Variants in GIGYF2 observed in about 807,000 individuals in gnomAD.
GIGYF2 encodes the protein GRB10-interacting GYF protein 2.
In GIGYF2, 25 loss-of-function variants were observed where a neutral mutation model predicts 208.1. That is an observed-to-expected ratio of 0.12 (90% CI 0.09 to 0.17). The LOEUF is 0.17. Ranked by LOEUF, GIGYF2 falls within the 10% of genes least tolerant of loss-of-function variation. GIGYF2 has a pLI of 1.00. For synonymous variants in GIGYF2, 534 were observed against 543.8 expected (o/e 0.98, Z 0.25); for missense variants, 1,302 against 1,579.4 (o/e 0.82, Z 2.98).
chr2:232,804,804 T>A (rs1373814903), intron 14 of GIGYF2, among the ~76,000 whole-genome samples: 2 of 152,196 alleles, frequency 1.3e-5, no homozygotes, highest in African/African-American at 2.4e-5. Flanking sequence ...GTATTTTTAT[T>A]TTCATTCCGT....
intron 22 of GIGYF2, among the ~76,000 whole-genome samples, chr2:232,836,302 ATATATATATATATATATATATATATATAC>A (rs1701609799): frequency 4.6e-5 from 1 of 21,634 alleles, no homozygotes; most frequent in African/African-American, 1.4e-4. Context: ...ATATATATAT[ATATATATATATATATATATATATATATAC>A]ATATATATAC....
intron 16 of GIGYF2, 52 bp from the exon 17 acceptor site, chr2:232,811,192 T>G: frequency 1.1e-6 from 1 of 949,384 alleles, no homozygotes; most frequent in Non-Finnish European, 1.7e-6. Flanking sequence ...ATCTCAGCCA[T>G]GTGAACTAAG....
chr2:232,727,828 C>G (rs1473679028), intron 2 of GIGYF2, among the ~76,000 whole-genome samples: 1 of 152,218 alleles, frequency 6.6e-6, no homozygotes, highest in Non-Finnish European at 1.5e-5. Flanking sequence ...CTCTTCAACT[C>G]TAGGTCTTTT....
intron 12 of GIGYF2, among the ~76,000 whole-genome samples, chr2:232,792,007 G>GTAA (rs1700083097): frequency 6.6e-6 from 1 of 152,144 alleles, no homozygotes; most frequent in Admixed American, 6.6e-5. Flanking sequence ...AAATGTCATT[G>GTAA]TAATGCCTGA....
At chr2:232,850,453 G>A (rs1428290393) in intron 28 of GIGYF2, 44 bp downstream of exon 28, 1 of 1,547,232 alleles carries the variant, frequency 6.5e-7, no homozygotes, top group Non-Finnish European at 8.9e-7. Context: ...AGGAGTGCAG[G>A]TGATACCAGT....
intron 2 of GIGYF2, among the ~76,000 whole-genome samples, chr2:232,716,978 G>GTTTTTTTTTTTTTT (rs1324089709): frequency 6.7e-6 from 1 of 149,092 alleles, no homozygotes; most frequent in African/African-American, 2.5e-5. Context: ...GCTAATTTTT[G>GTTTTTTTTTTTTTT]TTGTTTTTTT....
chr2:232,794,880 C>T lies in GIGYF2; in HGVS notation c.1415C>T (p.Ala472Val). Residue 472 changes from alanine to valine, a missense_variant, in exon 13 of 29, where the codon GCT (alanine) becomes GTT (valine). By Grantham distance (64) the Ala-to-Val change is moderately conservative. Around this residue, in one of 8 missense-constraint regions of GIGYF2, gnomAD observed 235 missense variants for 218.8 expected, o/e 1.07. Transcript: ENST00000373563. ...CCAGTTGAAACACCAGTTGTAGGTG[C>T]TCCTGGTATGGGCAGTGTTTCCACA... ...LRPVETPVVG[A>V]PGMGSVSTEP... 1 of 1,613,924 alleles carries T rather than the reference C, an allele frequency of 6.2e-7. No individual in the cohort carries two copies. The highest frequency in any genetic ancestry group is 8.5e-7 in the Non-Finnish European group (1 of 1,179,804).
intron 8 of GIGYF2, among the ~76,000 whole-genome samples, chr2:232,784,148 T>G (rs1699818093): frequency 6.6e-6 from 1 of 152,118 alleles, no homozygotes; most frequent in Non-Finnish European, 1.5e-5. Flanking sequence ...AAAGCCTGTT[T>G]AGGGCAACAG....
intron 8 of GIGYF2, among the ~76,000 whole-genome samples, chr2:232,779,501 G>T (rs879708445): frequency 4.6e-5 from 7 of 152,184 alleles, no homozygotes; most frequent in Admixed American, 1.3e-4. Flanking sequence ...TAAAACGTTA[G>T]CTCTGGTCTC....
At position 232,763,509 on chromosome 2, in the gene GIGYF2, A is replaced by G. The variant is rs372490595; in HGVS notation, c.532+2073A>G. ...TAATAACTAATAATAAAATAGAACAATTATAACAATATACTGTAATAAAAA... is the reference window on the plus strand; with the variant it reads ...TAATAACTAATAATAAAATAGAACAGTTATAACAATATACTGTAATAAAAA... On this transcript the variant is annotated intron_variant, in intron 8 of 28. Transcript: ENST00000373563. Among the ~76,000 whole-genome samples the G allele has an allele frequency of 2.0e-4, 30 of 152,258 alleles. 1 individual carries two copies. Among genetic ancestry groups the G allele is most frequent in the African/African-American group, 6.5e-4 (27 of 41,554 alleles).
intron 15 of GIGYF2, among the ~76,000 whole-genome samples, chr2:232,807,261 C>A (rs1455043814): frequency 6.6e-6 from 1 of 152,142 alleles, no homozygotes; most frequent in Admixed American, 6.5e-5. Context: ...TGGCTCACTT[C>A]TGTAATCCTG....
intron 2 of GIGYF2, among the ~76,000 whole-genome samples, chr2:232,715,303 G>A (rs1332053229): frequency 1.3e-5 from 2 of 152,076 alleles, no homozygotes; most frequent in Admixed American, 6.6e-5. Flanking sequence ...GCTATTAGAC[G>A]TAAAGCTGAC....
At chr2:232,836,293 TATA>T (rs1701603706) in intron 22 of GIGYF2, among the ~76,000 whole-genome samples, 2 of 24,646 alleles carry the variant, frequency 8.1e-5, no homozygotes, top group Admixed American at 6.0e-4. Context: ...TATATATATA[TATA>T]TATATATATA....
intron 22 of GIGYF2, among the ~76,000 whole-genome samples, chr2:232,836,035 A>G (rs952242450): frequency 4.6e-5 from 7 of 151,620 alleles, no homozygotes; most frequent in Admixed American, 4.0e-4. Flanking sequence ...ACAGATGCCA[A>G]ATGATCTAGG....
Position 232,739,367 on chromosome 2 carries a change from C to G in GIGYF2, c.41+4129C>G, listed in dbSNP as rs988650357. 6.7e-5 allele frequency among the ~76,000 whole-genome samples: 9 copies of G among 135,074 alleles called. 1 individual carries two copies. Among genetic ancestry groups the G allele is most frequent in the African/African-American group, 1.4e-4 (5 of 35,758 alleles). 88.6% of individuals were successfully genotyped at this position (135,074 alleles called of 152,430 possible). ...GCCTGGGCAACAAAAGCAAACCCCCCCCCCCCCGCAAAAAAAAAGAAAAGG... is the reference window on the plus strand; with the variant it reads ...GCCTGGGCAACAAAAGCAAACCCCCGCCCCCCCGCAAAAAAAAAGAAAAGG... On this transcript the variant is annotated intron_variant, in intron 3 of 28. Coordinates refer to ENST00000373563, the MANE Select transcript of GIGYF2 (RefSeq NM_001103146.3).
Position 232,844,255 on chromosome 2 carries a change from G to T in GIGYF2, c.3099G>T (p.Thr1033=), listed in dbSNP as rs760837382. The change falls in exon 24 of 29, where the codon ACG becomes ACT. Residue 1033 remains threonine (T), a splice_region_variant and synonymous_variant. Transcript: ENST00000373563. ...AACCAAACAGAGCTCGTAACAATAC[G>T]GTGTGTGCATTTTCCTAAGCTGTCG... ...HQQPNRARNN[T]HSNLHTSIGN... is the part of the protein sequence containing the mutation. The T allele has an allele frequency of 6.3e-7, 1 of 1,586,734 alleles. No individual in the cohort carries two copies. The highest frequency in any genetic ancestry group is 8.6e-7 in the Non-Finnish European group (1 of 1,165,212).
chr2:232,814,444 T>C (rs987934921), intron 18 of GIGYF2, among the ~76,000 whole-genome samples: 26 of 150,696 alleles, frequency 1.7e-4, no homozygotes, highest in African/African-American at 6.3e-4. Flanking sequence ...GCACCTGTAA[T>C]CCCAGCTACT....
At chr2:232,731,808 A>G (rs530426609) in intron 2 of GIGYF2, among the ~76,000 whole-genome samples, 12 of 152,238 alleles carry the variant, frequency 7.9e-5, no homozygotes, top group Non-Finnish European at 1.6e-4. Context: ...TTACTGAGAA[A>G]GAAAGGAATA....
At chr2:232,823,102 T>C (rs1422054491) in intron 21 of GIGYF2, among the ~76,000 whole-genome samples, 2 of 152,136 alleles carry the variant, frequency 1.3e-5, no homozygotes, top group Non-Finnish European at 2.9e-5. Context: ...TTGATGATCA[T>C]TTAGTTTTTT....
Sources: gnomAD v4.1 joint callset for allele counts (sites outside exome capture counted in the v4.1 genomes callset) on GRCh38, gnomAD v4.1.1 for gene constraint, gnomAD v4.1.1 regional missense constraint, MANE v1.5 for transcripts, NCBI Gene and HGNC (gene_info 2026-07-23, HGNC 2026-07-21) for gene names.